The following PLA2G5 variants were observed in gnomAD, a reference collection of about 807,000 sequenced individuals.
The protein encoded by PLA2G5 is phospholipase A2 group V.
PLA2G5 carries 12 observed loss-of-function variants against 15.9 expected under a neutral mutation model. That is an observed-to-expected ratio of 0.76 (90% CI 0.48 to 1.23). The LOEUF (loss-of-function observed/expected upper bound fraction) is 1.23, where lower values mean the gene tolerates loss of function less well. Among genes scored for constraint, PLA2G5 ranks in the 50% most tolerant of loss-of-function variants. The probability of loss-of-function intolerance (pLI) is 0.00; values close to 1 mark genes in which losing one functional copy is unlikely to be tolerated. For synonymous variants in PLA2G5, 71 were observed against 71.4 expected (o/e 0.99, Z 0.03); for missense variants, 169 against 177.1 (o/e 0.95, Z 0.26).
chr1:20,082,059 C>A (rs905269682), intron 1 of PLA2G5, among the ~76,000 whole-genome samples: 1 of 151,630 alleles, frequency 6.6e-6, no homozygotes, highest in African/African-American at 2.4e-5. Context: ...AAGAATTCGA[C>A]TGAGGGACAT....
At chr1:20,088,074 T>C (rs771506141) in intron 3 of PLA2G5, among the ~76,000 whole-genome samples, 16 of 152,028 alleles carry the variant, frequency 1.1e-4, no homozygotes, top group Non-Finnish European at 5.9e-5. Flanking sequence ...GACAAGACCA[T>C]GGGCCGGGCG....
At chr1:20,057,378 C>A (rs528946676) in intron 1 of PLA2G5, among the ~76,000 whole-genome samples, 1 of 150,974 alleles carries the variant, frequency 6.6e-6, no homozygotes, top group African/African-American at 2.4e-5. Context: ...ACACTGTTGT[C>A]ACTGCATCCC....
At position 20,091,051 on chromosome 1, in the gene PLA2G5, C is replaced by A. The variant is rs938936239; in HGVS notation, c.*359C>A. The A allele has an allele frequency of 1.1e-4, 21 of 191,094 alleles. No homozygotes were observed. Among genetic ancestry groups the A allele is most frequent in the Non-Finnish European group, 3.2e-5 (3 of 92,498 alleles). 11.8% of individuals were successfully genotyped at this position (191,094 alleles called of 1,614,324 possible). On this transcript the variant is annotated 3_prime_UTR_variant, in exon 5 of 5. Transcript: ENST00000375108. ...AGATGCACTTACTTCTCAGCTTCTGCGATCAGATTATCATCACCACCACCC... is the reference window on the plus strand; with the variant it reads ...AGATGCACTTACTTCTCAGCTTCTGAGATCAGATTATCATCACCACCACCC...
rs529762191 is a variant in PLA2G5 at position 20,090,464 on chromosome 1, T to C, written c.293-104T>C. On this transcript the variant is annotated intron_variant, in intron 4 of 4. Coordinates refer to ENST00000375108, the MANE Select transcript of PLA2G5 (RefSeq NM_000929.3). ...CCCCCGATTTAGGAGCCATGCCTCT[T>C]CCATCAGGCTGAAAGCTCCTCGGAG... 493 of 1,146,568 alleles carry C rather than the reference T, an allele frequency of 4.3e-4. 5 individuals carry two copies. The South Asian group carries it at 6.0e-3, about 14-fold the overall frequency. The allele number at this position is 1,146,568 out of a possible 1,614,324, so 71.0% of individuals were successfully genotyped here. A position where few individuals can be genotyped will look rare whatever the true frequency, so the allele number is the denominator to read the frequency against.
At chr1:20,078,424 G>A (rs1295750151) in intron 1 of PLA2G5, among the ~76,000 whole-genome samples, 2 of 152,024 alleles carry the variant, frequency 1.3e-5, no homozygotes, top group Non-Finnish European at 2.9e-5. Flanking sequence ...GTGTGTGTTC[G>A]TAGGTGGGGG....
At chr1:20,054,249 T>G (rs2014325294) in intron 1 of PLA2G5, among the ~76,000 whole-genome samples, 1 of 152,220 alleles carries the variant, frequency 6.6e-6, no homozygotes, top group Admixed American at 6.5e-5. Flanking sequence ...CCCACATCCT[T>G]TGCTATATTC....
At chr1:20,076,111 C>T (rs1431826105) in intron 1 of PLA2G5, among the ~76,000 whole-genome samples, 2 of 152,040 alleles carry the variant, frequency 1.3e-5, no homozygotes, top group South Asian at 2.1e-4. Context: ...GACCTCAATT[C>T]GGGCCTGCCT....
At position 20,052,636 on chromosome 1, in the gene PLA2G5, A is replaced by G. The variant is rs570233112; in HGVS notation, n.277-6996A>G. 1.7e-3 allele frequency among the ~76,000 whole-genome samples: 254 copies of G among 152,336 alleles called. 2 individuals carry two copies. Among genetic ancestry groups the G allele is most frequent in the Non-Finnish European group, 2.8e-3 (191 of 68,028 alleles). On this transcript the variant is annotated intron_variant and non_coding_transcript_variant, in intron 1 of 6. Transcript: ENST00000460175. Reference sequence around the variant, plus strand: ...TTCGGACCTACTCATCCAGGAATCCATGAGTAATCAGACAAAACCTGAGAC... The same window carrying G: ...TTCGGACCTACTCATCCAGGAATCCGTGAGTAATCAGACAAAACCTGAGAC...
At chr1:20,079,632 T>C (rs993172912) in intron 1 of PLA2G5, among the ~76,000 whole-genome samples, 1 of 152,188 alleles carries the variant, frequency 6.6e-6, no homozygotes, top group East Asian at 1.9e-4. Context: ...CACCTGAGCC[T>C]CCCAGGGTGA....
At chr1:20,031,173 C>T (rs1569605671) in intron 1 of PLA2G5, among the ~76,000 whole-genome samples, 1 of 152,020 alleles carries the variant, frequency 6.6e-6, no homozygotes. Flanking sequence ...AGGTTGCAGT[C>T]GAGAGAATGG....
intron 1 of PLA2G5, among the ~76,000 whole-genome samples, chr1:20,072,208 T>C (rs2015413183): frequency 6.6e-6 from 1 of 152,148 alleles, no homozygotes; most frequent in South Asian, 2.1e-4. Flanking sequence ...GCTTTATTTT[T>C]CTCCATTTCA....
intron 1 of PLA2G5, among the ~76,000 whole-genome samples, chr1:20,079,053 G>T (rs2015857986): frequency 6.7e-6 from 1 of 149,708 alleles, no homozygotes. Flanking sequence ...GGTGGAGGCT[G>T]CAGTGAGATG....
At chr1:20,047,436 GT>G (rs2013965325) in intron 1 of PLA2G5, among the ~76,000 whole-genome samples, 1 of 152,162 alleles carries the variant, frequency 6.6e-6, no homozygotes, top group African/African-American at 2.4e-5. Context: ...CACTCTGTAG[GT>G]TTTATGGCAT....
At chr1:20,036,293 AG>A (rs1467704476) in intron 1 of PLA2G5, among the ~76,000 whole-genome samples, 1 of 152,304 alleles carries the variant, frequency 6.6e-6, no homozygotes, top group East Asian at 1.9e-4. Context: ...ATCTCTAGCA[AG>A]GCCAGAAAAA....
chr1:20,067,645 A>G (rs1056886966), upstream of PLA2G5, among the ~76,000 whole-genome samples: 1 of 151,890 alleles, frequency 6.6e-6, no homozygotes. Flanking sequence ...CTGAGATTGC[A>G]CTGCTGCACT....
At position 20,076,087 on chromosome 1, in the gene PLA2G5, G is replaced by A. The variant is rs537404043; in HGVS notation, c.-11+5622G>A. On this transcript the variant is annotated intron_variant, in intron 1 of 4. Coordinates refer to ENST00000375108, the MANE Select transcript of PLA2G5 (RefSeq NM_000929.3). Reference sequence around the variant, plus strand: ...AGGGTTTCACCTCACTGGCCAGGCTGGTCTCGAACTCCTGACCTCAATTCG... The same window carrying A: ...AGGGTTTCACCTCACTGGCCAGGCTAGTCTCGAACTCCTGACCTCAATTCG... Among the ~76,000 whole-genome samples the A allele has an allele frequency of 1.6e-4, 24 of 152,098 alleles. 1 individual carries two copies. The highest frequency in any genetic ancestry group is 5.3e-4 in the African/African-American group (22 of 41,496).
upstream of PLA2G5, among the ~76,000 whole-genome samples, chr1:20,065,436 C>T (rs1172109566): frequency 1.3e-5 from 2 of 152,182 alleles, no homozygotes; most frequent in Non-Finnish European, 2.9e-5. Context: ...CCTCTGTCCT[C>T]CCAAACCCCT....
At chr1:20,058,219 G>A (rs1045066196) in intron 1 of PLA2G5, among the ~76,000 whole-genome samples, 3 of 152,164 alleles carry the variant, frequency 2.0e-5, no homozygotes, top group South Asian at 2.1e-4. Context: ...TACTGAGAGA[G>A]GGTGGTTATG....
rs1056301584 is a variant in PLA2G5 at position 20,085,992 on chromosome 1, G to A, written c.41-91G>A. 2.5e-5 allele frequency: 34 copies of A among 1,364,778 alleles called. No homozygotes were observed. The Admixed American group carries it at 3.2e-4, about 13-fold the overall frequency. 84.5% of individuals were successfully genotyped at this position (1,364,778 alleles called of 1,614,324 possible). On this transcript the variant is annotated intron_variant, in intron 2 of 4. Transcript: ENST00000375108. Reference sequence around the variant, plus strand: ...GACATGCAGGTCCCTCCAAGCCCTGGGTGGGAGAAAGGGTAGGAGATGTTG... The same window carrying A: ...GACATGCAGGTCCCTCCAAGCCCTGAGTGGGAGAAAGGGTAGGAGATGTTG...
Sources: allele counts gnomAD v4.1 joint callset (sites outside exome capture counted in the v4.1 genomes callset), GRCh38; gene constraint gnomAD v4.1.1; transcripts MANE v1.5; gene names NCBI Gene and HGNC (gene_info 2026-07-23, HGNC 2026-07-21).